Variants in PRKCH observed in about 807,000 individuals in gnomAD.
The protein encoded by PRKCH is protein kinase C eta type.
PRKCH carries 28 observed loss-of-function variants against 82.5 expected under a neutral mutation model. The observed-to-expected ratio is 0.34, with a 90% CI of 0.25 to 0.47. The LOEUF is 0.47. Among genes scored for constraint, PRKCH ranks in the 20% least tolerant of loss-of-function variants. The pLI is 1.00. For missense variants in PRKCH, 705 were observed against 881.8 expected (o/e 0.80, Z 2.54); for synonymous variants, 322 against 327.4 (o/e 0.98, Z 0.18).
intron 1 of PRKCH, among the ~76,000 whole-genome samples, chr14:61,265,316 A>G (rs1213168464): frequency 2.0e-5 from 3 of 152,090 alleles, no homozygotes; most frequent in African/African-American, 7.2e-5. Context: ...CCCTGTCTCT[A>G]CAAAAAATAC....
chr14:61,212,119 T>C (rs1015733991), intron 1 of PRKCH, among the ~76,000 whole-genome samples: 2 of 152,212 alleles, frequency 1.3e-5, no homozygotes. Flanking sequence ...TGCTGTGGTC[T>C]AGCAAGCCTG....
At chr14:61,264,787 A>G (rs1346237488) in intron 1 of PRKCH, among the ~76,000 whole-genome samples, 1 of 152,188 alleles carries the variant, frequency 6.6e-6, no homozygotes, top group Non-Finnish European at 1.5e-5. Flanking sequence ...TTCAAAGATC[A>G]GTGACCTTTT....
At position 61,198,304 on chromosome 14, in the gene PRKCH, G is replaced by T. The variant is rs372455048; in HGVS notation, c.-19+10636G>T. On this transcript the variant is annotated intron_variant, in intron 1 of 3. Transcript: ENST00000555185. Reference sequence around the variant, plus strand: ...GCCTTCTTCAAACTCATTCACCCATGTATGCTCTGCCCCAGCCTAATTACT... The same window carrying T: ...GCCTTCTTCAAACTCATTCACCCATTTATGCTCTGCCCCAGCCTAATTACT... 5.9e-5 allele frequency among the ~76,000 whole-genome samples: 9 copies of T among 152,090 alleles called. No individual in the cohort carries two copies. The East Asian group carries it at 7.7e-4, about 13-fold the overall frequency.
Position 61,484,036 on chromosome 14 carries a change from G to A in PRKCH, c.1279-1466G>A, listed in dbSNP as rs138005334. Among the ~76,000 whole-genome samples the A allele has an allele frequency of 1.5e-3, 224 of 152,274 alleles. 1 individual carries two copies. Among genetic ancestry groups the A allele is most frequent in the African/African-American group, 5.2e-3 (215 of 41,558 alleles). On this transcript the variant is annotated intron_variant, in intron 9 of 13. Coordinates refer to ENST00000332981, the MANE Select transcript of PRKCH (RefSeq NM_006255.5). ...AGCTTGGGTGACAGAATGAGACCCT[G>A]TCTCACCCAAAAATAATGATAGGTT...
At chr14:61,350,511 C>A (rs1208900437) in intron 1 of PRKCH, among the ~76,000 whole-genome samples, 2 of 152,212 alleles carry the variant, frequency 1.3e-5, no homozygotes, top group African/African-American at 4.8e-5. Flanking sequence ...TAAAACACCT[C>A]ATTGCTTCTC....
intron 10 of PRKCH, among the ~76,000 whole-genome samples, chr14:61,516,513 T>G (rs2042831349): frequency 6.6e-6 from 1 of 152,200 alleles, no homozygotes; most frequent in East Asian, 1.9e-4. Context: ...ATTAGAAACA[T>G]TCTTCAGACA....
chr14:61,541,932 C>T (rs2043191655), intron 12 of PRKCH, among the ~76,000 whole-genome samples: 1 of 152,226 alleles, frequency 6.6e-6, no homozygotes, highest in Non-Finnish European at 1.5e-5. Flanking sequence ...CTCCACTGCA[C>T]CCATCTTGCT....
intron 1 of PRKCH, among the ~76,000 whole-genome samples, chr14:61,257,313 G>T (rs1034423842): frequency 1.3e-5 from 2 of 152,062 alleles, no homozygotes; most frequent in African/African-American, 4.8e-5. Flanking sequence ...CCAGCCAGAG[G>T]CGGCGAGGTC....
chr14:61,377,100 C>G (rs1031346863), intron 1 of PRKCH, among the ~76,000 whole-genome samples: 4 of 152,184 alleles, frequency 2.6e-5, no homozygotes, highest in African/African-American at 9.6e-5. Context: ...AGGTCATCTA[C>G]TGTCATCTCC....
chr14:61,269,808 G>C (rs1410839887), intron 1 of PRKCH, among the ~76,000 whole-genome samples: 1 of 152,178 alleles, frequency 6.6e-6, no homozygotes, highest in Non-Finnish European at 1.5e-5. Flanking sequence ...AGATTGGACC[G>C]ACAATCAACC....
rs533888543 is a variant in PRKCH, at chr14:61,546,765, TAAAAAC to T, written c.1762-967_1762-962del. 2.4e-3 allele frequency among the ~76,000 whole-genome samples: 372 copies of T among 152,306 alleles called. 5 individuals are homozygous for T. In the East Asian group the frequency reaches 0.035, roughly 14 times the overall value. The stretch of plus-strand genomic sequence containing the variant: ...CTATTTAAAGATAACCTGATTTAAA[TAAAAAC>T]AAAAACAAAACTTTTTATCCAAGGC... On this transcript the variant is annotated intron_variant, in intron 12 of 13. Transcript: ENST00000332981.
intron 2 of PRKCH, among the ~76,000 whole-genome samples, chr14:61,437,944 C>G (rs962804917): frequency 6.6e-6 from 1 of 151,940 alleles, no homozygotes; most frequent in African/African-American, 2.4e-5. Flanking sequence ...AAAAAAAAAT[C>G]CTTTCTATTC....
intron 1 of PRKCH, among the ~76,000 whole-genome samples, chr14:61,340,208 T>C (rs901010893): frequency 9.2e-5 from 14 of 152,118 alleles, no homozygotes; most frequent in Non-Finnish European, 1.6e-4. Flanking sequence ...GGAGTGACAG[T>C]GTAGTCAGGT....
At chr14:61,462,100 T>C (rs1191712197) in intron 9 of PRKCH, among the ~76,000 whole-genome samples, 3 of 152,124 alleles carry the variant, frequency 2.0e-5, no homozygotes, top group Admixed American at 6.5e-5. Context: ...AAAGAAGTAG[T>C]GGGAACCCAC....
intron 10 of PRKCH, among the ~76,000 whole-genome samples, chr14:61,519,713 A>G (rs1297706420): frequency 6.6e-6 from 1 of 152,160 alleles, no homozygotes; most frequent in East Asian, 1.9e-4. Context: ...TGGCATAGGG[A>G]CCTCATTTAA....
intron 9 of PRKCH, among the ~76,000 whole-genome samples, chr14:61,479,994 A>G (rs777313738): frequency 2.0e-5 from 3 of 152,180 alleles, no homozygotes; most frequent in Non-Finnish European, 4.4e-5. Context: ...GCAGGGACAA[A>G]GGGCTTAGCC....
At chr14:61,322,872 A>T (rs989845896) in intron 1 of PRKCH, 1 of 183,354 alleles carries the variant, frequency 5.5e-6, no homozygotes, top group African/African-American at 2.3e-5. Flanking sequence ...CTTAGGAGAA[A>T]GCCGTACATT....
chr14:61,217,320 G>C (rs1434548882), intron 1 of PRKCH, among the ~76,000 whole-genome samples: 1 of 152,134 alleles, frequency 6.6e-6, no homozygotes, highest in African/African-American at 2.4e-5. Context: ...TTGGGCCCGG[G>C]AGGTTGAGGC....
At chr14:61,355,605 AC>A (rs937923921) in intron 1 of PRKCH, among the ~76,000 whole-genome samples, 1 of 152,108 alleles carries the variant, frequency 6.6e-6, no homozygotes, top group African/African-American at 2.4e-5. Context: ...TTACCTTTTT[AC>A]TAAAAATATA....
Sources: gnomAD v4.1 joint callset for allele counts (sites outside exome capture counted in the v4.1 genomes callset) on GRCh38, gnomAD v4.1.1 for gene constraint, MANE v1.5 for transcripts, NCBI Gene and HGNC (gene_info 2026-07-23, HGNC 2026-07-21) for gene names.